MELK: variants seen among roughly 807,000 people sequenced by gnomAD.
MELK encodes the protein pEg3 kinase.
MELK carries 81 observed loss-of-function variants against 85.0 expected under a neutral mutation model. The ratio of observed to expected loss-of-function variants is 0.95; its 90% CI spans 0.80 to 1.15. The LOEUF (loss-of-function observed/expected upper bound fraction) is 1.15. Among genes scored for constraint, MELK ranks in the 50% most tolerant of loss-of-function variants. MELK has a pLI of 0.00. For synonymous variants in MELK, 252 were observed against 265.0 expected (o/e 0.95, Z 0.48); for missense variants, 754 against 777.5 (o/e 0.97, Z 0.36).
Position 36,631,447 on chromosome 9 carries a change from G to A in MELK, c.735+1080G>A, listed in dbSNP as rs947832929. On this transcript the variant is annotated intron_variant, in intron 9 of 17. Coordinates refer to ENST00000298048, the MANE Select transcript of MELK (RefSeq NM_014791.4). The stretch of plus-strand genomic sequence containing the variant: ...TTCCTGGCCAATTTTTGTACTTTTA[G>A]TAGAGATGGGGTTTCACCATGTTGT... Among the ~76,000 whole-genome samples, 3 of 152,050 alleles carry A rather than the reference G, an allele frequency of 2.0e-5. No homozygotes were observed. The East Asian group carries it at 5.8e-4, about 30-fold the overall frequency.
At chr9:36,615,720 C>T (rs1344600121) in intron 8 of MELK, among the ~76,000 whole-genome samples, 4 of 143,038 alleles carry the variant, frequency 2.8e-5, no homozygotes, top group East Asian at 2.1e-4. Context: ...CCAGATGGGG[C>T]GGCGGGGCAG....
chr9:36,584,007 ATTT>A (rs1822553709), intron 3 of MELK, among the ~76,000 whole-genome samples: 1 of 151,560 alleles, frequency 6.6e-6, no homozygotes, highest in South Asian at 2.1e-4. Flanking sequence ...TTTCTTTATT[ATTT>A]TTTATTTTTT....
chr9:36,652,371 GC>G (rs1469758506), intron 12 of MELK, among the ~76,000 whole-genome samples: 1 of 151,312 alleles, frequency 6.6e-6, no homozygotes, highest in African/African-American at 2.4e-5. Context: ...TGTTAACATG[GC>G]ATTTTACAAA....
chr9:36,586,762 G>T (rs1587333876), intron 3 of MELK, among the ~76,000 whole-genome samples: 1 of 152,052 alleles, frequency 6.6e-6, no homozygotes, highest in South Asian at 2.1e-4. Context: ...ATTAATTCAT[G>T]ATTTCTAAAC....
At chr9:36,579,114 G>A (rs1242320379) in intron 1 of MELK, among the ~76,000 whole-genome samples, 6 of 152,078 alleles carry the variant, frequency 3.9e-5, no homozygotes, top group Non-Finnish European at 7.4e-5. Flanking sequence ...TGCAACCTCC[G>A]TCTCCTGGGT....
At chr9:36,626,849 C>T (rs2136349109) in intron 8 of MELK, among the ~76,000 whole-genome samples, 1 of 151,734 alleles carries the variant, frequency 6.6e-6, no homozygotes, top group South Asian at 2.1e-4. Context: ...ATCCCAGCTA[C>T]TCTGCAGGCT....
At chr9:36,619,667 G>A (rs997114335) in intron 8 of MELK, among the ~76,000 whole-genome samples, 3 of 152,228 alleles carry the variant, frequency 2.0e-5, no homozygotes, top group Non-Finnish European at 2.9e-5. Flanking sequence ...CCAAAAATAT[G>A]TAGAGAGTGG....
At chr9:36,650,821 G>A (rs1195935238) in intron 11 of MELK, among the ~76,000 whole-genome samples, 3 of 152,232 alleles carry the variant, frequency 2.0e-5, no homozygotes, top group African/African-American at 4.8e-5. Context: ...GGTCCAGAGT[G>A]GAGCAGAGGA....
intron 12 of MELK, among the ~76,000 whole-genome samples, chr9:36,655,632 A>G (rs911053804): frequency 6.6e-6 from 1 of 152,204 alleles, no homozygotes; most frequent in Non-Finnish European, 1.5e-5. Flanking sequence ...AAATTAATCC[A>G]GTGGTGTATA....
intron 10 of MELK, among the ~76,000 whole-genome samples, chr9:36,639,937 A>C (rs566193012): frequency 4.6e-5 from 7 of 152,354 alleles, no homozygotes; most frequent in South Asian, 2.1e-4. Context: ...GACATCAACA[A>C]GAGGATACCA....
At position 36,671,090 on chromosome 9, in the gene MELK, G is replaced by T. The variant is rs750982765; in HGVS notation, c.1598G>T (p.Gly533Val). ...GAKVFGSLER[G>V]LDKVITVLTR... ...AAAGTGTTTGGGAGCCTTGAAAGGG[G>T]GTTGGATAAGGTTATCACTGTGCTC... Residue 533 changes from glycine to valine, a missense_variant, in exon 16 of 18, where the codon GGG becomes GTG. Transcript: ENST00000298048. 6.2e-7 allele frequency: 1 copy of T among 1,613,152 alleles called. No homozygotes were observed. The highest frequency in any genetic ancestry group is 8.5e-7 in the Non-Finnish European group (1 of 1,179,584).
intron 6 of MELK, among the ~76,000 whole-genome samples, chr9:36,597,615 A>G (rs1824437886): frequency 6.6e-6 from 1 of 152,176 alleles, no homozygotes; most frequent in Non-Finnish European, 1.5e-5. Context: ...CAGTTTGAGT[A>G]TATTGCCACT....
intron 11 of MELK, among the ~76,000 whole-genome samples, chr9:36,651,490 G>A (rs1830692775): frequency 6.6e-6 from 1 of 152,070 alleles, no homozygotes; most frequent in South Asian, 2.1e-4. Flanking sequence ...AGCTATGTAA[G>A]CATTTAGTTT....
intron 10 of MELK, among the ~76,000 whole-genome samples, chr9:36,638,361 C>T (rs1234570475): frequency 6.6e-6 from 1 of 151,758 alleles, no homozygotes; most frequent in East Asian, 1.9e-4. Context: ...TCTCGGCTCA[C>T]CGCAGCCTCT....
chr9:36,658,865 C>G (rs1831514212), intron 13 of MELK, among the ~76,000 whole-genome samples: 1 of 149,620 alleles, frequency 6.7e-6, no homozygotes, highest in Non-Finnish European at 1.5e-5. Context: ...TCATGCCTGG[C>G]TAATTTTTTT....
intron 3 of MELK, among the ~76,000 whole-genome samples, chr9:36,587,843 C>T (rs1425544495): frequency 3.3e-5 from 5 of 151,644 alleles, no homozygotes; most frequent in Admixed American, 6.6e-5. Flanking sequence ...GGCACGATCT[C>T]GGCCACTCCC....
Position 36,594,706 on chromosome 9 carries a change from C to CG in MELK, c.341dup (p.Gln115SerfsTer27). 6.2e-7 allele frequency: 1 copy of CG among 1,614,038 alleles called. No individual in the cohort carries two copies. Among genetic ancestry groups the CG allele is most frequent in the Non-Finnish European group, 8.5e-7 (1 of 1,179,990 alleles). Reference sequence around the variant, plus strand: ...AGAAGAGGAGACCCGGGTTGTCTTCCGTCAGATAGTATCTGCTGTTGCTTA... The same window carrying CG: ...AGAAGAGGAGACCCGGGTTGTCTTCCGGTCAGATAGTATCTGCTGTTGCTTA... On this transcript the variant is annotated frameshift_variant, in exon 5 of 18. Coordinates refer to ENST00000298048, the MANE Select transcript of MELK (RefSeq NM_014791.4). LOFTEE classifies it high-confidence loss of function.
At chr9:36,669,939 A>T (rs1172103130) in intron 15 of MELK, among the ~76,000 whole-genome samples, 1 of 152,198 alleles carries the variant, frequency 6.6e-6, no homozygotes, top group Non-Finnish European at 1.5e-5. Context: ...TTATTAATTT[A>T]TTGATGAAGA....
At chr9:36,592,940 C>T (rs754434714) in intron 4 of MELK, among the ~76,000 whole-genome samples, 1 of 152,126 alleles carries the variant, frequency 6.6e-6, no homozygotes, top group Non-Finnish European at 1.5e-5. Flanking sequence ...GAAGTTTTCC[C>T]TGTAACCATA....
Sources: gnomAD v4.1 joint callset for allele counts (sites outside exome capture counted in the v4.1 genomes callset) on GRCh38, gnomAD v4.1.1 for gene constraint, MANE v1.5 for transcripts, NCBI Gene and HGNC (gene_info 2026-07-23, HGNC 2026-07-21) for gene names.